Variants in MTR observed in about 807,000 individuals in gnomAD.
The protein encoded by MTR is 5-methyltetrahydrofolate-homocysteine methyltransferase.
Under a neutral mutation model 154.8 loss-of-function variants are expected in MTR, and 84 were observed. That is an observed-to-expected ratio of 0.54 (90% CI 0.45 to 0.65). The LOEUF is 0.65. MTR is among the 30% of genes least tolerant of loss of function. The pLI is 0.00. For missense variants in MTR, 1,275 were observed against 1,570.2 expected (o/e 0.81, Z 3.18); for synonymous variants, 554 against 553.9 (o/e 1.00, Z 0.00).
At chr1:236,868,062 C>T (rs955862156) in intron 22 of MTR, among the ~76,000 whole-genome samples, 6 of 152,148 alleles carry the variant, frequency 3.9e-5, no homozygotes, top group Admixed American at 3.9e-4. Context: ...AAAACGCTAT[C>T]AAACAGCATC....
At position 236,841,976 on chromosome 1, in the gene MTR, C is replaced by T. The variant is rs572881919; in HGVS notation, c.1515+3377C>T. Among the ~76,000 whole-genome samples the T allele has an allele frequency of 9.9e-5, 15 of 151,906 alleles. No homozygotes were observed. The South Asian group carries it at 1.2e-3, about 13-fold the overall frequency. ...CGCGATCTTGGCTCACTGCAGGCTC[C>T]GCCCCCCGGGGTTCACGCCATTCTC... On this transcript the variant is annotated intron_variant, in intron 15 of 32. Coordinates refer to ENST00000366577, the MANE Select transcript of MTR (RefSeq NM_000254.3).
chr1:236,800,196 G>T (rs1334529117), intron 1 of MTR: 1 of 985,290 alleles, frequency 1.0e-6, no homozygotes. Context: ...TAGGAAGAAG[G>T]ACATGTAAAT....
intron 24 of MTR, among the ~76,000 whole-genome samples, chr1:236,875,649 A>G (rs985177896): frequency 1.3e-5 from 2 of 152,218 alleles, no homozygotes; most frequent in Non-Finnish European, 2.9e-5. Context: ...TAGGTATGCC[A>G]GAAATACAAT....
chr1:236,849,730 C>A (rs965541202), intron 15 of MTR, among the ~76,000 whole-genome samples: 4 of 152,098 alleles, frequency 2.6e-5, no homozygotes, highest in Non-Finnish European at 5.9e-5. Flanking sequence ...AGTGTTTTGC[C>A]TTTTAGGGAC....
chr1:236,820,133 G>C lies in MTR; in HGVS notation c.764+3590G>C, dbSNP rs185711413. 4.5e-4 allele frequency: 342 copies of C among 765,978 alleles called. 1 individual carries two copies. The African/African-American group carries it at 5.2e-3, about 12-fold the overall frequency. The allele number at this position is 765,978 out of a possible 1,614,324, so 47.4% of individuals were successfully genotyped here. A position where few individuals can be genotyped will look rare whatever the true frequency, so the allele number is the denominator to read the frequency against. ...GACATTGCCATTGCATGCAACAAGG[G>C]AGCTCACTCGGTGGGTTTGATGTGG... On this transcript the variant is annotated intron_variant, in intron 8 of 32. Coordinates refer to ENST00000366577, the MANE Select transcript of MTR (RefSeq NM_000254.3).
chr1:236,806,362 G>C (rs1049940759), intron 3 of MTR, 129 bp downstream of exon 3: 18 of 783,940 alleles, frequency 2.3e-5, no homozygotes, highest in South Asian at 2.0e-4. Flanking sequence ...TTTATGATGA[G>C]ACAGGGAAAA....
intron 25 of MTR, among the ~76,000 whole-genome samples, chr1:236,883,057 G>T (rs1665836120): frequency 6.6e-6 from 1 of 152,194 alleles, no homozygotes. Flanking sequence ...ATACTTAATG[G>T]TTGGAGATTT....
At chr1:236,839,129 T>C (rs1005497112) in intron 15 of MTR, among the ~76,000 whole-genome samples, 5 of 152,218 alleles carry the variant, frequency 3.3e-5, no homozygotes, top group Admixed American at 6.5e-5. Flanking sequence ...AAATCTGATA[T>C]ATAGTAAAGT....
In MTR at chr1:236,894,412, C is replaced by T. The variant is rs368521476; in HGVS notation, c.3260C>T (p.Ala1087Val). 3 of 1,614,138 alleles carry T rather than the reference C, an allele frequency of 1.9e-6. No homozygotes were observed. The highest frequency in any genetic ancestry group is 2.7e-5 in the African/African-American group (2 of 74,944). The part of the protein sequence containing the change: ...EPYYCLSDFI[A>V]PLHSGIRDYL... ...TACTACTGCCTCTCAGACTTCATCG[C>T]TCCCTTGCATTCTGGCATCCGTGAC... Residue 1087 changes from alanine (A) to valine (V), a missense_variant, in exon 30 of 33, where the codon GCT becomes GTT. Physicochemically the swap from Ala to Val is moderately conservative, Grantham distance 64. Transcript: ENST00000366577.
At chr1:236,849,381 G>A (rs907638889) in intron 15 of MTR, among the ~76,000 whole-genome samples, 79 of 152,098 alleles carry the variant, frequency 5.2e-4, no homozygotes, top group Admixed American at 3.7e-3. Flanking sequence ...TACAATTTCT[G>A]GAAAGAAATA....
rs139980996 is a variant in MTR at position 236,883,296 on chromosome 1, G to A, written c.2677-1825G>A. Among the ~76,000 whole-genome samples the A allele has an allele frequency of 2.5e-3, 379 of 152,262 alleles. 4 individuals are homozygous for A. Among genetic ancestry groups the A allele is most frequent in the African/African-American group, 8.1e-3 (336 of 41,552 alleles). On this transcript the variant is annotated intron_variant, in intron 25 of 32. Coordinates refer to ENST00000366577, the MANE Select transcript of MTR (RefSeq NM_000254.3). ...TGGTGGAAGGATCATGTAGGTTAGC[G>A]CACATATTGACCATGAACTTGTTTC...
intron 3 of MTR, among the ~76,000 whole-genome samples, chr1:236,807,019 T>C (rs1661022817): frequency 1.3e-5 from 2 of 152,240 alleles, no homozygotes; most frequent in African/African-American, 2.4e-5. Flanking sequence ...CTTTCGGCTA[T>C]TGTGAATATG....
Position 236,807,089 on chromosome 1 carries a change from GTA to G in MTR, c.339+863_339+864del, listed in dbSNP as rs537315775. Among the ~76,000 whole-genome samples, 5 of 152,024 alleles carry G rather than the reference GTA, an allele frequency of 3.3e-5. No homozygotes were observed. In the South Asian group the frequency reaches 1.0e-3, roughly 32 times the overall value. On this transcript the variant is annotated intron_variant, in intron 3 of 32. Coordinates refer to ENST00000366577, the MANE Select transcript of MTR (RefSeq NM_000254.3). The stretch of plus-strand genomic sequence containing the variant: ...TTCAAGTCCCCACATTCAATTTTTT[GTA>G]TATATACACAGAAGTTGAATTGTTA...
chr1:236,890,733 C>T (rs905616006), intron 28 of MTR, among the ~76,000 whole-genome samples: 3 of 152,138 alleles, frequency 2.0e-5, no homozygotes, highest in Non-Finnish European at 2.9e-5. Flanking sequence ...CCACGGAATA[C>T]GAGGCACAGG....
chr1:236,826,945 G>T (rs746379137), intron 11 of MTR, 49 bp downstream of exon 11: 9 of 1,516,444 alleles, frequency 5.9e-6, no homozygotes, highest in Non-Finnish European at 8.2e-6. Context: ...GGATAATCAG[G>T]TAATAATCTA....
Position 236,847,757 on chromosome 1 carries a change from A to G in MTR, c.1516-2587A>G, listed in dbSNP as rs142837101. 1.9e-4 allele frequency among the ~76,000 whole-genome samples: 29 copies of G among 152,324 alleles called. No individual in the cohort carries two copies. In the East Asian group the frequency reaches 5.2e-3, roughly 27 times the overall value. ...TGGTTCAGGGTGAGGTGTTACTATT[A>G]TAAAAAACAAGCAAACAGAAATCCC... On this transcript the variant is annotated intron_variant, in intron 15 of 32. Coordinates refer to ENST00000366577, the MANE Select transcript of MTR (RefSeq NM_000254.3).
rs946710594 is a variant in MTR, at chr1:236,897,886, T to G, written c.*242T>G. ...AGAGCAGTGAGCAGGGTTCCTGTGGTTTCCCTGGTCCCTCTGAGATGGGGA... is the reference window on the plus strand; with the variant it reads ...AGAGCAGTGAGCAGGGTTCCTGTGGGTTCCCTGGTCCCTCTGAGATGGGGA... On this transcript the variant is annotated 3_prime_UTR_variant, in exon 33 of 33. Transcript: ENST00000366577. The G allele has an allele frequency of 1.1e-5, 6 of 536,188 alleles. No homozygotes were observed. Among genetic ancestry groups the G allele is most frequent in the Non-Finnish European group, 2.0e-5 (6 of 302,042 alleles). The allele number at this position is 536,188 out of a possible 1,614,324, so 33.2% of individuals were successfully genotyped here. A position where few individuals can be genotyped will look rare whatever the true frequency, so the allele number is the denominator to read the frequency against.
chr1:236,819,711 G>A (rs1158123769), intron 8 of MTR: 1 of 711,478 alleles, frequency 1.4e-6, no homozygotes, highest in Non-Finnish European at 2.6e-6. Flanking sequence ...AACCCATTTA[G>A]GTGGCACCAA....
intron 5 of MTR, among the ~76,000 whole-genome samples, chr1:236,812,519 T>G (rs1661364150): frequency 6.6e-6 from 1 of 152,258 alleles, no homozygotes; most frequent in Admixed American, 6.5e-5. Flanking sequence ...AAGTGGAAGT[T>G]ACGTGGCAGG....
Sources: allele counts gnomAD v4.1 joint callset (sites outside exome capture counted in the v4.1 genomes callset), GRCh38; gene constraint gnomAD v4.1.1; transcripts MANE v1.5; gene names NCBI Gene and HGNC (gene_info 2026-07-23, HGNC 2026-07-21).